The following ZCCHC7 variants were observed in gnomAD, a reference collection of about 807,000 sequenced individuals.
ZCCHC7 encodes the protein zinc finger CCHC-type containing 7, also known as zinc finger CCHC domain-containing protein 7.
A neutral mutation model predicts 52.0 loss-of-function variants in ZCCHC7; 35 were observed. That is an observed-to-expected ratio of 0.67 (90% CI 0.51 to 0.89). ZCCHC7 has a LOEUF of 0.89. Ranked by LOEUF, ZCCHC7 falls within the 40% of genes least tolerant of loss-of-function variation. The pLI, the probability that ZCCHC7 is intolerant of heterozygous loss-of-function variation, is 0.00. For missense variants in ZCCHC7, 574 were observed against 649.1 expected, an observed-to-expected ratio of 0.88 and a Z score of 1.26; for synonymous variants, 217 against 221.5, an observed-to-expected ratio of 0.98 and a Z score of 0.18.
At chr9:37,230,148 T>G (rs1825327075) in intron 2 of ZCCHC7, among the ~76,000 whole-genome samples, 1 of 152,194 alleles carries the variant, frequency 6.6e-6, no homozygotes. Context: ...TACTGTTAAC[T>G]TTTTTAAAAA....
intron 2 of ZCCHC7, among the ~76,000 whole-genome samples, chr9:37,292,824 A>T (rs571615676): frequency 5.8e-4 from 88 of 152,304 alleles, no homozygotes; most frequent in African/African-American, 2.0e-3. Flanking sequence ...ATGAAACTGG[A>T]TTTAGAGAGA....
chr9:37,216,159 T>C (rs188281714), intron 2 of ZCCHC7, among the ~76,000 whole-genome samples: 1 of 152,322 alleles, frequency 6.6e-6, no homozygotes, highest in African/African-American at 2.4e-5. Context: ...ATTTCTTTAC[T>C]AACGAGGTCA....
At chr9:37,144,173 C>G (rs1843341338) in intron 2 of ZCCHC7, among the ~76,000 whole-genome samples, 1 of 151,668 alleles carries the variant, frequency 6.6e-6, no homozygotes, top group Non-Finnish European at 1.5e-5. Context: ...AGAGTAAGGC[C>G]TAGCATTTTA....
At chr9:37,124,389 G>A (rs1270216373) in intron 1 of ZCCHC7, among the ~76,000 whole-genome samples, 4 of 151,616 alleles carry the variant, frequency 2.6e-5, no homozygotes, top group Non-Finnish European at 5.9e-5. Context: ...GCACATACTA[G>A]ATTTATCAGG....
intron 2 of ZCCHC7, among the ~76,000 whole-genome samples, chr9:37,217,504 G>A (rs1329335881): frequency 2.6e-5 from 4 of 151,942 alleles, no homozygotes; most frequent in African/African-American, 9.7e-5. Flanking sequence ...ACCTTATAAA[G>A]CTCCCCTTTC....
intron 2 of ZCCHC7, among the ~76,000 whole-genome samples, chr9:37,265,774 C>T (rs1320449351): frequency 6.6e-6 from 1 of 152,094 alleles, no homozygotes; most frequent in East Asian, 1.9e-4. Flanking sequence ...ATCCTATTGC[C>T]TTTAAAATTG....
intron 5 of ZCCHC7, among the ~76,000 whole-genome samples, chr9:37,321,693 G>A (rs929284886): frequency 6.6e-5 from 10 of 152,148 alleles, no homozygotes; most frequent in African/African-American, 2.4e-4. Context: ...TTGAGCCCAG[G>A]AGATCAGGGC....
At chr9:37,183,599 C>T (rs759657865) in intron 2 of ZCCHC7, among the ~76,000 whole-genome samples, 1 of 152,136 alleles carries the variant, frequency 6.6e-6, no homozygotes, top group South Asian at 2.1e-4. Context: ...CAAACATAAA[C>T]ATTTTATATG....
intron 2 of ZCCHC7, among the ~76,000 whole-genome samples, chr9:37,190,167 G>A (rs1405069307): frequency 6.6e-6 from 1 of 152,158 alleles, no homozygotes; most frequent in African/African-American, 2.4e-5. Flanking sequence ...CTACCCTCTT[G>A]ATGATGAAGG....
At chr9:37,230,698 T>G (rs564148931) in intron 2 of ZCCHC7, among the ~76,000 whole-genome samples, 1 of 152,322 alleles carries the variant, frequency 6.6e-6, no homozygotes, top group South Asian at 2.1e-4. Context: ...GTTGCGATAT[T>G]GCAGATCCTA....
chr9:37,357,504 T>C lies in ZCCHC7; in HGVS notation c.*236T>C, dbSNP rs1416563047. ...AACCTGGACTTCTCCTATTCCAATA[T>C]GTCATCTTTACTCAGAATCCTAGGG... On this transcript the variant is annotated 3_prime_UTR_variant, in exon 9 of 9. Transcript: ENST00000336755. 6.4e-6 allele frequency: 2 copies of C among 312,632 alleles called. No homozygotes were observed. The highest frequency in any genetic ancestry group is 1.2e-5 in the Non-Finnish European group (2 of 173,060). The allele number at this position is 312,632 out of a possible 1,614,324, so 19.4% of individuals were successfully genotyped here.
At chr9:37,336,757 T>C (rs76920720) in intron 6 of ZCCHC7, among the ~76,000 whole-genome samples, 7,729 of 152,202 alleles carry the variant, frequency 0.051, 642 homozygotes, top group African/African-American at 0.17. Flanking sequence ...CAATAAACAT[T>C]CAGATAAAAT....
At chr9:37,225,063 A>G (rs1461575055) in intron 2 of ZCCHC7, among the ~76,000 whole-genome samples, 1 of 152,238 alleles carries the variant, frequency 6.6e-6, no homozygotes, top group South Asian at 2.1e-4. Context: ...GAATTATTTT[A>G]TTCCTATTGT....
chr9:37,121,294 T>A (rs1205070306), intron 1 of ZCCHC7, among the ~76,000 whole-genome samples: 1 of 152,200 alleles, frequency 6.6e-6, no homozygotes, highest in South Asian at 2.1e-4. Context: ...CAGAAAGCTC[T>A]TATTGAAGCT....
intron 2 of ZCCHC7, among the ~76,000 whole-genome samples, chr9:37,257,871 T>C (rs1353414669): frequency 2.0e-5 from 3 of 152,186 alleles, no homozygotes; most frequent in African/African-American, 7.2e-5. Flanking sequence ...CTTTTGTATA[T>C]AGCCTGCTGA....
intron 2 of ZCCHC7, among the ~76,000 whole-genome samples, chr9:37,274,136 C>T (rs1564217862): frequency 6.6e-6 from 1 of 152,048 alleles, no homozygotes; most frequent in Admixed American, 6.5e-5. Context: ...TATCCAGTCA[C>T]TTATTATTTA....
At chr9:37,315,296 C>T (rs1829767843) in intron 5 of ZCCHC7, among the ~76,000 whole-genome samples, 1 of 151,982 alleles carries the variant, frequency 6.6e-6, no homozygotes, top group African/African-American at 2.4e-5. Flanking sequence ...ACACAATTAG[C>T]TTGCCTTTAT....
intron 2 of ZCCHC7, among the ~76,000 whole-genome samples, chr9:37,232,279 A>G (rs1564193542): frequency 6.6e-6 from 1 of 152,222 alleles, no homozygotes; most frequent in Non-Finnish European, 1.5e-5. Flanking sequence ...TTAGGAAGCT[A>G]TGGAATGTCC....
chr9:37,346,830 A>G (rs1310983314), intron 6 of ZCCHC7, among the ~76,000 whole-genome samples: 3 of 152,114 alleles, frequency 2.0e-5, no homozygotes, highest in Non-Finnish European at 4.4e-5. Flanking sequence ...TTAAAAAACA[A>G]TAATATAAAA....
Sources: allele counts gnomAD v4.1 joint callset (sites outside exome capture counted in the v4.1 genomes callset), GRCh38; gene constraint gnomAD v4.1.1; transcripts MANE v1.5; gene names NCBI Gene and HGNC (gene_info 2026-07-23, HGNC 2026-07-21).